GPBP1: variants seen among roughly 807,000 people sequenced by gnomAD.
GPBP1 encodes the protein GC-rich promoter binding protein 1.
A neutral mutation model predicts 56.5 loss-of-function variants in GPBP1; 13 were observed. That is an observed-to-expected ratio of 0.23 (90% CI 0.15 to 0.37). GPBP1 has a LOEUF of 0.37. Ranked by LOEUF, GPBP1 falls within the 10% of genes least tolerant of loss-of-function variation. The pLI is 1.00. For synonymous variants in GPBP1, 204 were observed against 188.9 expected (o/e 1.08, Z -0.66); for missense variants, 477 against 572.3 (o/e 0.83, Z 1.70).
intron 2 of GPBP1, among the ~76,000 whole-genome samples, chr5:57,194,364 G>A (rs1480321376): frequency 6.6e-6 from 1 of 151,936 alleles, no homozygotes; most frequent in Admixed American, 6.6e-5. Context: ...TTTTTGTTTG[G>A]CATTTTTGCC....
intron 3 of GPBP1, among the ~76,000 whole-genome samples, chr5:57,220,647 A>G (rs1467707781): frequency 6.6e-6 from 1 of 151,626 alleles, no homozygotes; most frequent in Non-Finnish European, 1.5e-5. Context: ...TTTAGTAGAG[A>G]TGGGGTTTCA....
intron 2 of GPBP1, among the ~76,000 whole-genome samples, chr5:57,195,687 T>G (rs1366875172): frequency 6.6e-6 from 1 of 152,064 alleles, no homozygotes; most frequent in African/African-American, 2.4e-5. Context: ...GGTTTTTTAT[T>G]TGCGAAATGA....
At chr5:57,188,399 T>C (rs1420311973) in intron 2 of GPBP1, among the ~76,000 whole-genome samples, 1 of 152,154 alleles carries the variant, frequency 6.6e-6, no homozygotes, top group South Asian at 2.1e-4. Context: ...TCCAGGCTTA[T>C]AGCTTAACTG....
intron 2 of GPBP1, among the ~76,000 whole-genome samples, chr5:57,185,793 A>G (rs923044967): frequency 1.7e-4 from 26 of 151,982 alleles, no homozygotes; most frequent in African/African-American, 5.6e-4. Flanking sequence ...TGAGCCCAGG[A>G]GTTCGAGACC....
intron 6 of GPBP1, among the ~76,000 whole-genome samples, chr5:57,240,274 T>G (rs1345043332): frequency 6.6e-6 from 1 of 152,058 alleles, no homozygotes; most frequent in Non-Finnish European, 1.5e-5. Flanking sequence ...GAAAACTTGA[T>G]TAATTCAGAT....
intron 2 of GPBP1, among the ~76,000 whole-genome samples, chr5:57,176,898 T>G (rs1753810041): frequency 6.6e-6 from 1 of 152,364 alleles, no homozygotes; most frequent in Admixed American, 6.5e-5. Context: ...GTAGTAGTTC[T>G]TAATGTATTT....
rs1332234526 is a variant in GPBP1, at chr5:57,264,170, A to AC, written c.*1419dup. 3 of 152,264 alleles carry AC rather than the reference A, an allele frequency of 2.0e-5. No homozygotes were observed. Among genetic ancestry groups the AC allele is most frequent in the African/African-American group, 7.2e-5 (3 of 41,570 alleles). 9.4% of individuals were successfully genotyped at this position (152,264 alleles called of 1,614,324 possible). ...GTGATGGGGAAATTAAAAACAACAC[A>AC]CTAGCACACTCCCACAAAACTTGAG... is the stretch of plus-strand genomic sequence containing the variant. On this transcript the variant is annotated 3_prime_UTR_variant, in exon 12 of 12. Coordinates refer to ENST00000506184, the MANE Select transcript of GPBP1 (RefSeq NM_022913.4).
chr5:57,225,501 A>AC (rs199916259), intron 3 of GPBP1, among the ~76,000 whole-genome samples: 1,645 of 137,098 alleles, frequency 0.012, 38 homozygotes, highest in African/African-American at 0.044. Flanking sequence ...CAAAAAAAAA[A>AC]AAAAAAAAAA....
intron 2 of GPBP1, among the ~76,000 whole-genome samples, chr5:57,189,042 G>T (rs1754410096): frequency 1.3e-5 from 2 of 152,094 alleles, no homozygotes; most frequent in Non-Finnish European, 1.5e-5. Flanking sequence ...GCCTAGGCTG[G>T]AGTATAGTGG....
intron 2 of GPBP1, among the ~76,000 whole-genome samples, chr5:57,193,256 C>T (rs1446164600): frequency 1.3e-5 from 2 of 152,040 alleles, no homozygotes. Context: ...GCCGAGGTTG[C>T]AGTGAGCCGA....
chr5:57,221,327 A>T, intron 3 of GPBP1: 1 of 1,317,894 alleles, frequency 7.6e-7, no homozygotes, highest in Non-Finnish European at 1.0e-6. Flanking sequence ...GTTTTTTTAA[A>T]TTCCATTAAA....
intron 3 of GPBP1, among the ~76,000 whole-genome samples, chr5:57,215,525 A>G (rs935338003): frequency 2.6e-5 from 4 of 152,218 alleles, no homozygotes; most frequent in Non-Finnish European, 4.4e-5. Context: ...CAATTTAGTT[A>G]TGGCAGGTGT....
At chr5:57,196,948 A>AT (rs1045364468) in intron 2 of GPBP1, among the ~76,000 whole-genome samples, 1 of 151,740 alleles carries the variant, frequency 6.6e-6, no homozygotes, top group Non-Finnish European at 1.5e-5. Flanking sequence ...TACCTGGCTA[A>AT]TTTTTTTATT....
intron 3 of GPBP1, among the ~76,000 whole-genome samples, chr5:57,217,484 T>C (rs527706190): frequency 6.6e-6 from 1 of 152,206 alleles, no homozygotes; most frequent in African/African-American, 2.4e-5. Flanking sequence ...GGCTGGAGAA[T>C]CGCTTTAACC....
intron 2 of GPBP1, among the ~76,000 whole-genome samples, chr5:57,209,933 G>C (rs1755401586): frequency 6.6e-6 from 1 of 152,106 alleles, no homozygotes; most frequent in Admixed American, 6.6e-5. Context: ...GTTGTAGTTA[G>C]AATTCCTTAG....
chr5:57,220,730 G>C (rs973126610), intron 3 of GPBP1, among the ~76,000 whole-genome samples: 1 of 152,024 alleles, frequency 6.6e-6, no homozygotes, highest in Non-Finnish European at 1.5e-5. Context: ...ATAGTGCTAG[G>C]ATTACAGGCA....
chr5:57,204,376 A>G (rs1241397538), intron 2 of GPBP1, among the ~76,000 whole-genome samples: 2 of 151,998 alleles, frequency 1.3e-5, no homozygotes, highest in Admixed American at 1.3e-4. Context: ...CAGCCTCCTG[A>G]GTAGCTGGGA....
chr5:57,177,531 T>C (rs775870672), intron 2 of GPBP1, among the ~76,000 whole-genome samples: 1 of 152,022 alleles, frequency 6.6e-6, no homozygotes, highest in African/African-American at 2.4e-5. Context: ...TGGAGTACAA[T>C]GGCATGATTT....
At chr5:57,233,230 T>C (rs1362860795) in intron 5 of GPBP1, among the ~76,000 whole-genome samples, 1 of 152,176 alleles carries the variant, frequency 6.6e-6, no homozygotes, top group Non-Finnish European at 1.5e-5. Context: ...AAGGTTTCAG[T>C]AAGAGGAAAA....
Sources: allele counts gnomAD v4.1 joint callset (sites outside exome capture counted in the v4.1 genomes callset), GRCh38; gene constraint gnomAD v4.1.1; transcripts MANE v1.5; gene names NCBI Gene and HGNC (gene_info 2026-07-23, HGNC 2026-07-21).